The following GALM variants were observed in gnomAD, a reference collection of about 807,000 sequenced individuals.
The protein encoded by GALM is galactose mutarotase.
In GALM, 43 loss-of-function variants were observed where a neutral mutation model predicts 37.4. That is an observed-to-expected ratio of 1.15 (90% CI 0.90 to 1.48). The LOEUF is 1.48. Ranked by LOEUF, GALM falls within the 40% of genes most tolerant of loss-of-function variation. The pLI is 0.00. For synonymous variants in GALM, 199 were observed against 170.6 expected, an observed-to-expected ratio of 1.17 and a Z score of -1.30; for missense variants, 456 against 419.1, an observed-to-expected ratio of 1.09 and a Z score of -0.77.
chr2:38,678,306 G>A (rs1272604730), intron 2 of GALM, among the ~76,000 whole-genome samples: 3 of 152,042 alleles, frequency 2.0e-5, no homozygotes, highest in South Asian at 2.1e-4. Context: ...CATCGCACCC[G>A]GCCACCAACA....
chr2:38,683,630 G>A (rs555190851), intron 3 of GALM, among the ~76,000 whole-genome samples: 45 of 151,758 alleles, frequency 3.0e-4, no homozygotes, highest in African/African-American at 1.1e-3. Flanking sequence ...GCAGTGGCAC[G>A]ATCTCGGCTC....
chr2:38,684,227 T>A (rs1015815361), intron 3 of GALM, among the ~76,000 whole-genome samples: 2 of 152,164 alleles, frequency 1.3e-5, no homozygotes, highest in Non-Finnish European at 2.9e-5. Flanking sequence ...ACTTCTAAGT[T>A]TGAGGGTTGG....
chr2:38,689,895 G>C lies in GALM; in HGVS notation c.634+1G>C. 1 of 1,593,150 alleles carries C rather than the reference G, an allele frequency of 6.3e-7. No homozygotes were observed. The highest frequency in any genetic ancestry group is 1.7e-4 in the Middle Eastern group (1 of 6,024). On this transcript the variant is annotated splice_donor_variant, in intron 4 of 6. Transcript: ENST00000272252. LOFTEE classifies it high-confidence loss of function. ...GTGGATGAAACCCTGATTCCTACAG[G>C]TTGGTGAATTTAACCTTTTTGTGTT...
rs778965304 is a variant in GALM, at chr2:38,681,282, G to T, written c.348G>T (p.Val116=). 2 of 1,612,796 alleles carry T rather than the reference G, an allele frequency of 1.2e-6. No individual in the cohort carries two copies. The highest frequency in any genetic ancestry group is 1.7e-6 in the Non-Finnish European group (2 of 1,179,790). The change falls in exon 3 of 7, where the codon GTG becomes GTT. Residue 116 remains valine (V), a splice_region_variant and synonymous_variant. Transcript: ENST00000272252. ...LHGGVRGFDK[V]LWTPRVLSNG... The stretch of plus-strand genomic sequence containing the variant: ...ACTTTGAAAACACTTTTTTCCAGGT[G>T]CTCTGGACCCCTCGGGTGCTGTCAA...
chr2:38,670,482 G>A (rs184441518), intron 1 of GALM, among the ~76,000 whole-genome samples: 1 of 152,190 alleles, frequency 6.6e-6, no homozygotes, highest in African/African-American at 2.4e-5. Flanking sequence ...CACCCTGGTG[G>A]GAGCATTGAA....
chr2:38,689,903 A>C lies in GALM; in HGVS notation c.634+9A>C. 6.4e-7 allele frequency: 1 copy of C among 1,564,826 alleles called. No individual in the cohort carries two copies. Among genetic ancestry groups the C allele is most frequent in the Non-Finnish European group, 8.8e-7 (1 of 1,138,712 alleles). On this transcript the variant is annotated intron_variant, in intron 4 of 6. Coordinates refer to ENST00000272252, the MANE Select transcript of GALM (RefSeq NM_138801.3). ...AACCCTGATTCCTACAGGTTGGTGA[A>C]TTTAACCTTTTTGTGTTATGTGGGA...
chr2:38,709,545 G>C (rs540345348), intron 4 of GALM, among the ~76,000 whole-genome samples: 192 of 150,222 alleles, frequency 1.3e-3, no homozygotes, highest in African/African-American at 4.3e-3. Context: ...AAAATGCTCG[G>C]TGGAAAGGAA....
chr2:38,693,859 G>C (rs1046835685), intron 4 of GALM, among the ~76,000 whole-genome samples: 1 of 152,176 alleles, frequency 6.6e-6, no homozygotes, highest in East Asian at 1.9e-4. Flanking sequence ...AAGTAGACCT[G>C]CACTCTACAG....
At chr2:38,687,761 T>C (rs1240391594) in intron 3 of GALM, among the ~76,000 whole-genome samples, 1 of 151,820 alleles carries the variant, frequency 6.6e-6, no homozygotes, top group Admixed American at 6.6e-5. Context: ...AGCCTACTAG[T>C]GGTGTAATTA....
chr2:38,695,206 G>C (rs532308088), intron 4 of GALM, among the ~76,000 whole-genome samples: 1 of 152,062 alleles, frequency 6.6e-6, no homozygotes, highest in African/African-American at 2.4e-5. Flanking sequence ...TTGGATTTTT[G>C]AGCCCAAGAC....
intron 4 of GALM, among the ~76,000 whole-genome samples, chr2:38,705,370 T>C (rs1192311060): frequency 6.6e-6 from 1 of 152,208 alleles, no homozygotes; most frequent in Admixed American, 6.5e-5. Context: ...TACTGATTGC[T>C]ACATGCTGCC....
intron 4 of GALM, among the ~76,000 whole-genome samples, chr2:38,726,216 A>AT (rs375560759): frequency 6.4e-4 from 83 of 128,840 alleles, no homozygotes; most frequent in Middle Eastern, 3.6e-3. Flanking sequence ...AAGTGCCTTT[A>AT]TTTTTTTTTT....
At chr2:38,675,320 T>C (rs1196905249) in intron 1 of GALM, among the ~76,000 whole-genome samples, 1 of 152,182 alleles carries the variant, frequency 6.6e-6, no homozygotes, top group African/African-American at 2.4e-5. Context: ...TTTCAGTTTT[T>C]TCTTTGTGCT....
chr2:38,720,614 T>G lies in GALM; in HGVS notation c.635-8942T>G, dbSNP rs1572540965. Among the ~76,000 whole-genome samples the G allele has an allele frequency of 3.3e-5, 5 of 152,300 alleles. No homozygotes were observed. The South Asian group carries it at 1.0e-3, about 32-fold the overall frequency. On this transcript the variant is annotated intron_variant, in intron 4 of 6. Transcript: ENST00000272252. ...TTCGTTTATTATCTCTAATTGTTTC[T>G]ATTGGCGGGGAATTTAGACAGGGCA...
intron 5 of GALM, 86 bp downstream of exon 5, chr2:38,729,783 C>A: frequency 8.9e-7 from 1 of 1,127,214 alleles, no homozygotes; most frequent in Non-Finnish European, 1.3e-6. Flanking sequence ...CTGGCCATAT[C>A]AATAGCATTT....
At chr2:38,716,846 C>T (rs1180885098) in intron 4 of GALM, among the ~76,000 whole-genome samples, 2 of 152,022 alleles carry the variant, frequency 1.3e-5, no homozygotes, top group Non-Finnish European at 2.9e-5. Context: ...CATAAGAGAC[C>T]CTGACTCTAA....
At chr2:38,680,169 C>T in intron 2 of GALM, 1 of 373,832 alleles carries the variant, frequency 2.7e-6, no homozygotes, top group Non-Finnish European at 5.2e-6. Context: ...CAGGTATGCA[C>T]CACCATACCT....
At chr2:38,684,041 T>C (rs184504692) in intron 3 of GALM, among the ~76,000 whole-genome samples, 1 of 152,272 alleles carries the variant, frequency 6.6e-6, no homozygotes, top group East Asian at 1.9e-4. Context: ...CCTCTGCATC[T>C]TCAGAATATC....
intron 2 of GALM, chr2:38,679,940 A>G (rs554784036): frequency 1.5e-4 from 64 of 420,626 alleles, no homozygotes; most frequent in Admixed American, 3.6e-4. Context: ...TGGAGCCTCT[A>G]GGACAAAGTT....
Sources: allele counts gnomAD v4.1 joint callset (sites outside exome capture counted in the v4.1 genomes callset), GRCh38; gene constraint gnomAD v4.1.1; transcripts MANE v1.5; gene names NCBI Gene and HGNC (gene_info 2026-07-23, HGNC 2026-07-21).